The following SLC26A7 variants were observed in gnomAD, a reference collection of about 807,000 sequenced individuals.
SLC26A7 encodes the protein solute carrier family 26 member 7.
In SLC26A7, 59 loss-of-function variants were observed where a neutral mutation model predicts 82.5. The observed-to-expected ratio is 0.72, with a 90% confidence interval of 0.58 to 0.89. SLC26A7 has a LOEUF of 0.89. SLC26A7 is among the 40% of genes least tolerant of loss of function. SLC26A7 has a pLI of 0.00. For synonymous variants in SLC26A7, 271 were observed against 274.3 expected (o/e 0.99, Z 0.12); for missense variants, 820 against 793.0 (o/e 1.03, Z -0.41).
intron 4 of SLC26A7, among the ~76,000 whole-genome samples, chr8:91,311,186 T>C (rs944597049): frequency 2.0e-5 from 3 of 152,214 alleles, no homozygotes; most frequent in African/African-American, 4.8e-5. Context: ...CTAGTCATTT[T>C]CAAAATTATT....
intron 9 of SLC26A7, among the ~76,000 whole-genome samples, chr8:91,344,586 T>G (rs944291348): frequency 1.3e-5 from 2 of 152,164 alleles, no homozygotes; most frequent in Non-Finnish European, 2.9e-5. Flanking sequence ...AAATTTAACA[T>G]AAAACTAGCT....
chr8:91,231,460 C>G (rs188982192), intron 2 of SLC26A7, among the ~76,000 whole-genome samples: 6 of 152,258 alleles, frequency 3.9e-5, no homozygotes, highest in Admixed American at 3.9e-4. Context: ...ACACGGGGAG[C>G]CTGTTGCAAA....
chr8:91,244,671 A>AT (rs1810520591), upstream of SLC26A7, among the ~76,000 whole-genome samples: 2 of 151,038 alleles, frequency 1.3e-5, no homozygotes, highest in South Asian at 4.2e-4. Flanking sequence ...GCCCAGCTAA[A>AT]TTTTTCAATT....
chr8:91,311,467 A>G (rs1400428573), intron 4 of SLC26A7, among the ~76,000 whole-genome samples: 5 of 152,028 alleles, frequency 3.3e-5, no homozygotes, highest in Admixed American at 6.6e-5. Flanking sequence ...ACACACATAC[A>G]TATATATAAT....
In SLC26A7 at chr8:91,366,597, G is replaced by A. The variant is rs1163140814; in HGVS notation, c.1506G>A (p.Val502=). Residue 502 remains valine, a synonymous_variant, in exon 14 of 19, where the codon GTG becomes GTA. Transcript: ENST00000276609. ...TCCAAAAGGAAACCCTGCAGCAGGT[G>A]AAAATTATCTCAATAAACAACCCGC... ...TEMDSETLQQ[V]KIISINNPLV... The A allele has an allele frequency of 6.2e-7, 1 of 1,612,956 alleles. No homozygotes were observed. The highest frequency in any genetic ancestry group is 1.3e-5 in the African/African-American group (1 of 74,946).
chr8:91,307,521 T>C lies in SLC26A7; in HGVS notation c.478-10695T>C, dbSNP rs1057483677. On this transcript the variant is annotated intron_variant, in intron 4 of 18. Transcript: ENST00000276609. ...GTAGGGACATGGATGAAATTGGAAA[T>C]CATCATTTTCAGTAAACTATCGCAA... Among the ~76,000 whole-genome samples the C allele has an allele frequency of 1.1e-4, 16 of 145,592 alleles. No homozygotes were observed. The Middle Eastern group carries it at 0.01, about 94-fold the overall frequency.
chr8:91,370,332 C>T (rs1814322502), intron 15 of SLC26A7, among the ~76,000 whole-genome samples: 1 of 151,466 alleles, frequency 6.6e-6, no homozygotes, highest in Admixed American at 6.6e-5. Context: ...CTTTCTTCTT[C>T]CTCCTCTCCC....
At chr8:91,338,046 G>A in intron 6 of SLC26A7, 104 bp from the exon 7 acceptor site, 1 of 615,378 alleles carries the variant, frequency 1.6e-6, no homozygotes. Flanking sequence ...TATTCTTGAT[G>A]TTTATGGGAC....
At chr8:91,302,174 C>T (rs1812184248) in intron 4 of SLC26A7, among the ~76,000 whole-genome samples, 1 of 151,978 alleles carries the variant, frequency 6.6e-6, no homozygotes, top group Non-Finnish European at 1.5e-5. Flanking sequence ...AATATATAGC[C>T]TTGATTATCA....
In SLC26A7 at chr8:91,318,210, T is replaced by C. The variant is rs142521321; in HGVS notation, c.478-6T>C. 5.6e-6 allele frequency: 9 copies of C among 1,599,926 alleles called. No homozygotes were observed. The highest frequency in any genetic ancestry group is 1.3e-5 in the African/African-American group (1 of 74,396). The stretch of plus-strand genomic sequence containing the variant: ...AGTTCATCTCACTTCTCCCTTCTCC[T>C]CTTAGGTGGCCATGTTTGTGCTGCA... On this transcript the variant is annotated splice_polypyrimidine_tract_variant and splice_region_variant and intron_variant, in intron 4 of 18. Coordinates refer to ENST00000276609, the MANE Select transcript of SLC26A7 (RefSeq NM_052832.4).
intron 2 of SLC26A7, among the ~76,000 whole-genome samples, chr8:91,258,143 G>A (rs990885011): frequency 1.3e-5 from 2 of 151,924 alleles, no homozygotes; most frequent in African/African-American, 4.8e-5. Flanking sequence ...GAGATTTTGG[G>A]GGGTCACAGA....
intron 11 of SLC26A7, 105 bp from the exon 12 acceptor site, chr8:91,362,248 T>G (rs1013161196): frequency 4.3e-6 from 3 of 691,778 alleles, no homozygotes; most frequent in Non-Finnish European, 7.0e-6. Flanking sequence ...TGCTGAAAGA[T>G]TTGGTCACAA....
chr8:91,394,709 C>T, intron 18 of SLC26A7: 1 of 1,106,336 alleles, frequency 9.0e-7, no homozygotes, highest in Non-Finnish European at 1.1e-6. Context: ...TTAAATCTAA[C>T]ATATATTGAG....
At chr8:91,214,003 C>T (rs1410119194) in intron 1 of SLC26A7, among the ~76,000 whole-genome samples, 2 of 151,794 alleles carry the variant, frequency 1.3e-5, no homozygotes, top group Admixed American at 6.6e-5. Flanking sequence ...GGGGGAAAAC[C>T]GGTGAGATAT....
At chr8:91,303,979 C>T (rs938576978) in intron 4 of SLC26A7, among the ~76,000 whole-genome samples, 1 of 152,124 alleles carries the variant, frequency 6.6e-6, no homozygotes, top group Non-Finnish European at 1.5e-5. Flanking sequence ...TGTGTTTGTA[C>T]CTGGCAAAGC....
At chr8:91,354,793 A>T (rs182271139) in intron 11 of SLC26A7, among the ~76,000 whole-genome samples, 17 of 152,228 alleles carry the variant, frequency 1.1e-4, no homozygotes, top group Admixed American at 8.5e-4. Context: ...AGTTGGAATG[A>T]CTTCTGAGTT....
chr8:91,236,565 G>T (rs970313136), intron 2 of SLC26A7, among the ~76,000 whole-genome samples: 122 of 3,450 alleles, frequency 0.035, no homozygotes, highest in African/African-American at 0.11. Context: ...CTTCTGTGCA[G>T]ATAAAAAAAA....
chr8:91,240,315 C>T (rs546378358), intron 2 of SLC26A7, among the ~76,000 whole-genome samples: 1 of 152,236 alleles, frequency 6.6e-6, no homozygotes, highest in East Asian at 1.9e-4. Context: ...ACAATATCAT[C>T]CCAATCTGTG....
rs1813480397 is a variant in SLC26A7, at chr8:91,343,611, T to C, written c.1140+145T>C. ...TTCTAAGTTGTTTTAAGAAAGTCCT[T>C]CTCTCTCTCATCTCTATCCCATAAA... On this transcript the variant is annotated intron_variant, in intron 9 of 18. Transcript: ENST00000276609. 16 of 560,252 alleles carry C rather than the reference T, an allele frequency of 2.9e-5. No homozygotes were observed. In the South Asian group the frequency reaches 4.7e-4, roughly 17 times the overall value. The allele number at this position is 560,252 out of a possible 1,614,324, so 34.7% of individuals were successfully genotyped here. A position where few individuals can be genotyped will look rare whatever the true frequency, so the allele number is the denominator to read the frequency against.
Sources: allele counts gnomAD v4.1 joint callset (sites outside exome capture counted in the v4.1 genomes callset), GRCh38; gene constraint gnomAD v4.1.1; transcripts MANE v1.5; gene names NCBI Gene and HGNC (gene_info 2026-07-23, HGNC 2026-07-21).